The following BLM variants were observed in gnomAD, a reference collection of about 807,000 sequenced individuals.
BLM encodes the protein BLM RecQ like helicase.
In BLM, 95 loss-of-function variants were observed where a neutral mutation model predicts 135.3. The ratio of observed to expected loss-of-function variants is 0.70; its 90% confidence interval spans 0.59 to 0.83. The LOEUF (loss-of-function observed/expected upper bound fraction) is 0.83, where lower values mean the gene tolerates loss of function less well. Ranked by LOEUF, BLM falls within the 40% of genes least tolerant of loss-of-function variation. The pLI, the probability that BLM is intolerant of heterozygous loss-of-function variation, is 0.00. For missense variants in BLM, 1,518 were observed against 1,663.9 expected, an observed-to-expected ratio of 0.91 and a Z score of 1.53; for synonymous variants, 520 against 589.2, an observed-to-expected ratio of 0.88 and a Z score of 1.70.
chr15:90,776,263 T>C (rs1896474964), intron 12 of BLM, among the ~76,000 whole-genome samples: 1 of 152,222 alleles, frequency 6.6e-6, no homozygotes. Flanking sequence ...TTGGAAACTC[T>C]CTGGGAAAAT....
chr15:90,773,142 G>C (rs1266320093), intron 12 of BLM, among the ~76,000 whole-genome samples: 3 of 145,064 alleles, frequency 2.1e-5, no homozygotes, highest in African/African-American at 7.6e-5. Flanking sequence ...GACAGCAGCC[G>C]AGCGCAGTGG....
chr15:90,790,722 T>C lies in BLM; in HGVS notation c.2897T>C (p.Leu966Pro), dbSNP rs572734846. ...GTGCGATTTGTGATTCATGCATCTC[T>C]CCCTAAATCTGTGGAGGGTTACTAC... ...PDVRFVIHAS[L>P]PKSVEGYYQE... The change falls in exon 15 of 22, where the codon CTC becomes CCC. Residue 966 changes from leucine (L) to proline (P), a missense_variant. Transcript: ENST00000355112. 1.9e-6 allele frequency: 3 copies of C among 1,614,162 alleles called. No individual in the cohort carries two copies. In the South Asian group the frequency reaches 3.3e-5, roughly 18 times the overall value.
At chr15:90,731,234 C>G (rs1042217273) in intron 1 of BLM, among the ~76,000 whole-genome samples, 1 of 152,122 alleles carries the variant, frequency 6.6e-6, no homozygotes, top group African/African-American at 2.4e-5. Flanking sequence ...TCATCATGCC[C>G]GTGGCTCTTG....
At chr15:90,763,224 G>T (rs1032795428) in intron 8 of BLM, 67 bp downstream of exon 8, 3 of 1,509,196 alleles carry the variant, frequency 2.0e-6, no homozygotes, top group Non-Finnish European at 2.8e-6. Context: ...CTCTTTAATA[G>T]AAATAAAAAG....
chr15:90,800,724 G>C (rs1897145561), intron 17 of BLM, among the ~76,000 whole-genome samples: 1 of 106,858 alleles, frequency 9.4e-6, no homozygotes, highest in Non-Finnish European at 2.3e-5. Flanking sequence ...TAGAGAGAGA[G>C]TAAGAAAGGA....
intron 8 of BLM, 30 bp from the exon 9 acceptor site, chr15:90,765,266 G>A (rs758786773): frequency 6.7e-7 from 1 of 1,499,834 alleles, no homozygotes; most frequent in Non-Finnish European, 9.3e-7. Context: ...GACAGAACCT[G>A]ACAGATATTT....
At chr15:90,744,748 C>T (rs982059502) in intron 1 of BLM, among the ~76,000 whole-genome samples, 1 of 151,470 alleles carries the variant, frequency 6.6e-6, no homozygotes, top group African/African-American at 2.4e-5. Context: ...AAAATATTCT[C>T]CATTAAAAAG....
intron 14 of BLM, among the ~76,000 whole-genome samples, chr15:90,787,191 A>G (rs1896774185): frequency 6.8e-6 from 1 of 147,786 alleles, no homozygotes; most frequent in Non-Finnish European, 1.5e-5. Context: ...CTGGGACTAT[A>G]GGCACCCGCC....
At chr15:90,719,715 A>G (rs959317426) in intron 1 of BLM, among the ~76,000 whole-genome samples, 4 of 152,164 alleles carry the variant, frequency 2.6e-5, no homozygotes, top group Non-Finnish European at 2.9e-5. Context: ...TATGTAAGAA[A>G]TATTAAAAAT....
At position 90,803,154 on chromosome 15, in the gene BLM, C is replaced by A. The variant is rs1473963232; in HGVS notation, c.3359-367C>A. On this transcript the variant is annotated intron_variant, in intron 17 of 21. Coordinates refer to ENST00000355112, the MANE Select transcript of BLM (RefSeq NM_000057.4). ...CTCCAACCTCCACAATAGAGTGAGA[C>A]CCTGTCTCTAAAAAAAAAAAAAAAA... 2.1e-5 allele frequency among the ~76,000 whole-genome samples: 3 copies of A among 140,972 alleles called. No homozygotes were observed. In the South Asian group the frequency reaches 6.6e-4, roughly 31 times the overall value. 92.5% of individuals were successfully genotyped at this position (140,972 alleles called of 152,430 possible). A position where few individuals can be genotyped will look rare whatever the true frequency, so the allele number is the denominator to read the frequency against.
chr15:90,780,511 C>A (rs891585019), intron 12 of BLM, among the ~76,000 whole-genome samples: 1 of 152,212 alleles, frequency 6.6e-6, no homozygotes, highest in African/African-American at 2.4e-5. Flanking sequence ...TGAGCCACCA[C>A]CCCTGGCCAG....
intron 1 of BLM, among the ~76,000 whole-genome samples, chr15:90,736,600 T>C (rs1208558199): frequency 1.3e-5 from 2 of 152,264 alleles, no homozygotes; most frequent in Non-Finnish European, 2.9e-5. Flanking sequence ...CACAAAGTTA[T>C]TTGTTGCAGC....
At chr15:90,760,043 G>C (rs1301860633) in intron 5 of BLM, 104 bp from the exon 6 acceptor site, 1 of 1,137,290 alleles carries the variant, frequency 8.8e-7, no homozygotes, top group African/African-American at 1.6e-5. Context: ...TCCTGCCTTG[G>C]CCTCCCCAAA....
At chr15:90,792,083 C>CTTTTT (rs35083164) in intron 15 of BLM, among the ~76,000 whole-genome samples, 1 of 143,296 alleles carries the variant, frequency 7.0e-6, no homozygotes, top group Non-Finnish European at 1.5e-5. Context: ...TCTGAGACCA[C>CTTTTT]TTTTTTTTTT....
chr15:90,791,690 G>A (rs1049566749), intron 15 of BLM, among the ~76,000 whole-genome samples: 3 of 151,822 alleles, frequency 2.0e-5, no homozygotes, highest in Non-Finnish European at 2.9e-5. Context: ...CCAGGCTGCA[G>A]TGCAGTGGCA....
chr15:90,770,557 G>A (rs1596240102), intron 12 of BLM, among the ~76,000 whole-genome samples: 1 of 152,190 alleles, frequency 6.6e-6, no homozygotes, highest in Admixed American at 6.5e-5. Context: ...TCTTTGGTAG[G>A]TTTATTCACT....
Position 90,815,096 on chromosome 15 carries a change from T to A in BLM, c.4077-6T>A. On this transcript the variant is annotated splice_region_variant and splice_polypyrimidine_tract_variant and intron_variant, in intron 21 of 21. Transcript: ENST00000355112. This position sits in a 1 kb window ranked among gnomAD's most constrained non-coding sequence, Gnocchi z 4.6. Reference sequence around the variant, plus strand: ...CATTTTGATTTTTTTCTTTGTCACATTTCAGGGGGTCTGCCACATGTAGAA... The same window carrying A: ...CATTTTGATTTTTTTCTTTGTCACAATTCAGGGGGTCTGCCACATGTAGAA... The A allele has an allele frequency of 6.2e-7, 1 of 1,613,868 alleles. No individual in the cohort carries two copies. The highest frequency in any genetic ancestry group is 8.5e-7 in the Non-Finnish European group (1 of 1,180,018).
intron 1 of BLM, among the ~76,000 whole-genome samples, chr15:90,730,153 C>T (rs752204137): frequency 2.0e-5 from 3 of 152,082 alleles, no homozygotes; most frequent in Non-Finnish European, 4.4e-5. Flanking sequence ...TGCATCCAGC[C>T]AAGAATTTTA....
rs757134420 is a variant in BLM at position 90,766,921 on chromosome 15, A to G, written c.2205A>G (p.Thr735=). The G allele has an allele frequency of 1.3e-6, 2 of 1,588,516 alleles. No homozygotes were observed. Among genetic ancestry groups the G allele is most frequent in the African/African-American group, 1.3e-5 (1 of 74,466 alleles). Residue 735 remains threonine (T), a synonymous_variant, in exon 10 of 22, where the codon ACA becomes ACG. Transcript: ENST00000355112. ...QKLTSLDIPA[T]YLTGDKTDSE... Reference sequence around the variant, plus strand: ...ACTTTTATACTTAGATTCCAGCTACATATCTGACAGGTGATAAGACTGACT... The same window carrying G: ...ACTTTTATACTTAGATTCCAGCTACGTATCTGACAGGTGATAAGACTGACT...
Sources: gnomAD v4.1 joint callset for allele counts (sites outside exome capture counted in the v4.1 genomes callset) on GRCh38, gnomAD v4.1.1 for gene constraint, Gnocchi (gnomAD v3.1) non-coding constraint, MANE v1.5 for transcripts, NCBI Gene and HGNC (gene_info 2026-07-23, HGNC 2026-07-21) for gene names.